Variants in EFHC1 observed in about 807,000 individuals in gnomAD.
EFHC1 encodes the protein EF-hand domain containing 1.
In EFHC1, 53 loss-of-function variants were observed where a neutral mutation model predicts 69.9. The ratio of observed to expected loss-of-function variants is 0.76; its 90% CI spans 0.61 to 0.95. The LOEUF is 0.95. EFHC1 is among the 40% of genes least tolerant of loss of function. EFHC1 has a pLI of 0.00. For synonymous variants in EFHC1, 256 were observed against 278.4 expected, an observed-to-expected ratio of 0.92 and a Z score of 0.80; for missense variants, 739 against 798.7, an observed-to-expected ratio of 0.93 and a Z score of 0.90.
intron 2 of EFHC1, among the ~76,000 whole-genome samples, chr6:52,425,374 T>C (rs542494142): frequency 6.6e-6 from 1 of 152,328 alleles, no homozygotes; most frequent in South Asian, 2.1e-4. Flanking sequence ...TACCAAGATA[T>C]GAATCCTGGT....
chr6:52,443,014 G>T (rs1208089403), intron 3 of EFHC1, among the ~76,000 whole-genome samples: 3 of 152,086 alleles, frequency 2.0e-5, no homozygotes, highest in Non-Finnish European at 2.9e-5. Context: ...GTGTGGTTTT[G>T]ATTTGCATTT....
Position 52,473,519 on chromosome 6 carries a change from G to A in EFHC1, c.1278+4046G>A, listed in dbSNP as rs1204440434. Among the ~76,000 whole-genome samples, 4 of 152,200 alleles carry A rather than the reference G, an allele frequency of 2.6e-5. No individual in the cohort carries two copies. In the East Asian group the frequency reaches 7.7e-4, roughly 29 times the overall value. ...TAAATGACCGGGCACGGTGGTTCAT[G>A]CCTGTAATCCCAGCACTTTGGGAGA... On this transcript the variant is annotated intron_variant, in intron 7 of 10. Coordinates refer to ENST00000371068, the MANE Select transcript of EFHC1 (RefSeq NM_018100.4).
chr6:52,428,724 A>G (rs1764355043), intron 2 of EFHC1, among the ~76,000 whole-genome samples: 1 of 152,172 alleles, frequency 6.6e-6, no homozygotes. Flanking sequence ...GCTGGATCAA[A>G]TGGTGGTTCT....
intron 3 of EFHC1, among the ~76,000 whole-genome samples, chr6:52,449,153 G>A (rs192462741): frequency 1.3e-5 from 2 of 152,292 alleles, no homozygotes. Flanking sequence ...GGAGGCTGAG[G>A]CGGGTGGATC....
At chr6:52,466,594 C>A (rs1451843004) in intron 6 of EFHC1, among the ~76,000 whole-genome samples, 1 of 152,176 alleles carries the variant, frequency 6.6e-6, no homozygotes, top group Non-Finnish European at 1.5e-5. Context: ...TAGATTGTAA[C>A]TCCCTTGAGG....
intron 5 of EFHC1, among the ~76,000 whole-genome samples, chr6:52,462,510 T>G (rs1014490368): frequency 6.6e-6 from 1 of 152,058 alleles, no homozygotes; most frequent in African/African-American, 2.4e-5. Flanking sequence ...GTCATCTCCT[T>G]GAAAGGACTA....
chr6:52,482,577 C>G (rs1210434692), intron 9 of EFHC1: 1 of 377,976 alleles, frequency 2.6e-6, no homozygotes, highest in Non-Finnish European at 4.7e-6. Flanking sequence ...TGTTCTGTGC[C>G]TTGGTGAATT....
intron 3 of EFHC1, among the ~76,000 whole-genome samples, chr6:52,441,353 T>C (rs1764658908): frequency 6.6e-6 from 1 of 152,096 alleles, no homozygotes; most frequent in African/African-American, 2.4e-5. Flanking sequence ...TAGCAGGTTA[T>C]CCCAGCACCT....
rs1766012386 is a variant in EFHC1 at position 52,494,925 on chromosome 6, T to TA, written c.*2590dup. The TA allele has an allele frequency of 4.4e-6, 2 of 451,502 alleles. No individual in the cohort carries two copies. The highest frequency in any genetic ancestry group is 2.4e-5 in the Admixed American group (1 of 42,428). 28.0% of individuals were successfully genotyped at this position (451,502 alleles called of 1,614,324 possible). A position where few individuals can be genotyped will look rare whatever the true frequency, so the allele number is the denominator to read the frequency against. On this transcript the variant is annotated 3_prime_UTR_variant, in exon 11 of 11. Transcript: ENST00000371068. ...TTCCATGGTGTAGATATACTTCATT[T>TA]AAAAAATCTAATCCACCATTGATTG...
intron 9 of EFHC1, chr6:52,482,879 CTATT>C (rs529982533): frequency 2.1e-4 from 82 of 398,570 alleles, no homozygotes; most frequent in Admixed American, 7.5e-4. Context: ...TTCTATAACT[CTATT>C]TATATTTGAC....
In EFHC1 at chr6:52,464,906, C is replaced by T; in HGVS notation, c.928C>T (p.Gln310Ter). 1 of 1,613,922 alleles carries T rather than the reference C, an allele frequency of 6.2e-7. No homozygotes were observed. Among genetic ancestry groups the T allele is most frequent in the Non-Finnish European group, 8.5e-7 (1 of 1,179,818 alleles). Residue 310 changes from glutamine to a stop codon, truncating the protein, a stop_gained, in exon 6 of 11, where the codon CAG (glutamine) becomes TAG (stop). Transcript: ENST00000371068. LOFTEE classifies it high-confidence loss of function. Reference sequence around the variant, plus strand: ...CCATCTTATATTAGAGAACTTCCCTCAGTGTGTGCTAGAAATCTCTGACCA... The same window carrying T: ...CCATCTTATATTAGAGAACTTCCCTTAGTGTGTGCTAGAAATCTCTGACCA... ...VLVENAKNFP[Q>*]CVLEISDQEV... is the part of the protein sequence containing the mutation.
At chr6:52,421,075 T>C in intron 1 of EFHC1, 1 of 989,224 alleles carries the variant, frequency 1.0e-6, no homozygotes, top group Non-Finnish European at 1.2e-6. Context: ...CCAGGTCTTT[T>C]TCCTTTCTTC....
Position 52,454,431 on chromosome 6 carries a change from C to T in EFHC1, c.916+144C>T. On this transcript the variant is annotated intron_variant, in intron 5 of 10. Coordinates refer to ENST00000371068, the MANE Select transcript of EFHC1 (RefSeq NM_018100.4). ...ATGCTCAGAAAATGGCTTCCCACAG[C>T]TTTCCTCCTTTACTTGCCCCTCGGT... 3 of 987,438 alleles carry T rather than the reference C, an allele frequency of 3.0e-6. No individual in the cohort carries two copies. In the South Asian group the frequency reaches 4.2e-5, roughly 14 times the overall value. 61.2% of individuals were successfully genotyped at this position (987,438 alleles called of 1,614,324 possible). A position where few individuals can be genotyped will look rare whatever the true frequency, so the allele number is the denominator to read the frequency against.
At chr6:52,469,528 A>G (rs1198826754) in intron 7 of EFHC1, 55 bp downstream of exon 7, 7 of 1,605,844 alleles carry the variant, frequency 4.4e-6, no homozygotes, top group Non-Finnish European at 4.2e-6. Flanking sequence ...ACTGTGTACA[A>G]TTGTTTATTT....
intron 9 of EFHC1, chr6:52,486,769 A>G (rs1199246029): frequency 2.0e-5 from 3 of 151,864 alleles, no homozygotes; most frequent in Non-Finnish European, 4.4e-5. Context: ...TAATTCTTCT[A>G]TTTTGTGTCT....
chr6:52,425,214 C>T (rs189710947), intron 2 of EFHC1, among the ~76,000 whole-genome samples: 3 of 152,292 alleles, frequency 2.0e-5, no homozygotes, highest in African/African-American at 7.2e-5. Context: ...CCTAAACATC[C>T]ACTAAACAGT....
chr6:52,421,720 CTG>C (rs1764195199), intron 1 of EFHC1, among the ~76,000 whole-genome samples: 1 of 152,232 alleles, frequency 6.6e-6, no homozygotes, highest in Non-Finnish European at 1.5e-5. Flanking sequence ...TTCTGAATCT[CTG>C]TAATTATCCC....
At chr6:52,438,649 G>A in intron 3 of EFHC1, 58 bp downstream of exon 3, 1 of 1,558,024 alleles carries the variant, frequency 6.4e-7, no homozygotes, top group South Asian at 1.1e-5. Context: ...ATTTATAGAA[G>A]GATACATTTC....
chr6:52,421,371 G>A (rs545692470), intron 1 of EFHC1, among the ~76,000 whole-genome samples: 2 of 150,328 alleles, frequency 1.3e-5, no homozygotes, highest in Non-Finnish European at 3.0e-5. Context: ...CCCCAACCTT[G>A]TGTTTTTATT....
Sources: gnomAD v4.1 joint callset for allele counts (sites outside exome capture counted in the v4.1 genomes callset) on GRCh38, gnomAD v4.1.1 for gene constraint, MANE v1.5 for transcripts, NCBI Gene and HGNC (gene_info 2026-07-23, HGNC 2026-07-21) for gene names.